Variants in NDUFAF6 observed in about 807,000 individuals in gnomAD.
NDUFAF6 encodes NADH:ubiquinone oxidoreductase complex assembly factor 6.
Under a neutral mutation model 40.8 loss-of-function variants are expected in NDUFAF6, and 45 were observed. The observed-to-expected ratio is 1.10, with a 90% CI of 0.87 to 1.42. The LOEUF is 1.42. NDUFAF6 is among the 40% of genes most tolerant of loss of function. NDUFAF6 has a pLI of 0.00. For synonymous variants in NDUFAF6, 185 were observed against 155.9 expected (o/e 1.19, Z -1.39); for missense variants, 435 against 418.5 (o/e 1.04, Z -0.34).
chr8:95,104,869 G>A (rs746281547), downstream of NDUFAF6, among the ~76,000 whole-genome samples: 3 of 152,150 alleles, frequency 2.0e-5, no homozygotes, highest in African/African-American at 2.4e-5. Context: ...GGAAAGATGA[G>A]CTGCGGCAGC....
At chr8:94,908,480 C>G (rs1411385398) in intron 1 of NDUFAF6, among the ~76,000 whole-genome samples, 1 of 152,184 alleles carries the variant, frequency 6.6e-6, no homozygotes, top group Non-Finnish European at 1.5e-5. Context: ...AGCAATCCTC[C>G]CATCTCAGCC....
intron 2 of NDUFAF6, among the ~76,000 whole-genome samples, chr8:95,086,299 AG>A (rs749150985): frequency 6.4e-4 from 98 of 152,352 alleles, no homozygotes; most frequent in Non-Finnish European, 1.2e-3. Context: ...AACAGAAAAC[AG>A]TGTTCCCCTC....
At position 95,025,020 on chromosome 8, in the gene NDUFAF6, C is replaced by T. The variant is rs1299127967; in HGVS notation, c.12C>T (p.Ser4=). The part of the protein sequence containing the change: MAA[S]AHGSVWGPLR... ...GCAGTGCCGGCGTCATGGCGGCCTC[C>T]GCGCACGGCTCTGTCTGGGGGCCGT... The change falls in exon 1 of 9, where the codon TCC becomes TCT. Residue 4 remains serine (S), a synonymous_variant. Coordinates refer to ENST00000396124, the MANE Select transcript of NDUFAF6 (RefSeq NM_152416.4). 9 of 1,345,288 alleles carry T rather than the reference C, an allele frequency of 6.7e-6. 1 individual carries two copies. The highest frequency in any genetic ancestry group is 2.7e-4 in the Middle Eastern group (1 of 3,762). 83.3% of individuals were successfully genotyped at this position (1,345,288 alleles called of 1,614,324 possible).
upstream of NDUFAF6, among the ~76,000 whole-genome samples, chr8:95,097,277 A>G (rs11778009): frequency 0.21 from 32,555 of 152,150 alleles, 4,226 homozygotes; most frequent in African/African-American, 0.37. Context: ...AATAACAAAA[A>G]AATAAACTAA....
rs1829390515 is a variant in NDUFAF6 at position 95,035,501 on chromosome 8, G to A, written c.345G>A (p.Gln115=). The change falls in exon 3 of 9, where the codon CAG becomes CAA. Residue 115 remains glutamine (Q), a synonymous_variant. Coordinates refer to ENST00000396124, the MANE Select transcript of NDUFAF6 (RefSeq NM_152416.4). ...SEKTIGLMRM[Q]FWKKTVEDIY... is the part of the protein sequence containing the mutation. ...AAACAATTGGACTGATGCGAATGCA[G>A]TTTTGGAAAAAAACTGTGGAAGATA... 1 of 1,612,372 alleles carries A rather than the reference G, an allele frequency of 6.2e-7. No homozygotes were observed.
chr8:95,087,262 G>A (rs1236177663), intron 2 of NDUFAF6, among the ~76,000 whole-genome samples: 2 of 152,080 alleles, frequency 1.3e-5, no homozygotes, highest in East Asian at 3.9e-4. Context: ...TTCCTGCAGT[G>A]GTTTTCCCTC....
At chr8:94,942,530 A>G (rs944914766) in intron 1 of NDUFAF6, among the ~76,000 whole-genome samples, 2 of 152,160 alleles carry the variant, frequency 1.3e-5, no homozygotes, top group African/African-American at 4.8e-5. Flanking sequence ...GTTAAAGGCA[A>G]TGGACTTAGC....
downstream of NDUFAF6, among the ~76,000 whole-genome samples, chr8:95,077,626 T>G (rs551397251): frequency 6.6e-6 from 1 of 152,268 alleles, no homozygotes; most frequent in East Asian, 1.9e-4. Context: ...CAGGTGACCA[T>G]GGGTAACTGA....
chr8:95,011,778 A>G (rs2131674068), intron 2 of NDUFAF6, among the ~76,000 whole-genome samples: 1 of 152,334 alleles, frequency 6.6e-6, no homozygotes, highest in South Asian at 2.1e-4. Context: ...TTGACATTTG[A>G]TAAGTGTTGA....
At chr8:95,049,943 G>T (rs1017270520) in intron 7 of NDUFAF6, among the ~76,000 whole-genome samples, 1 of 152,162 alleles carries the variant, frequency 6.6e-6, no homozygotes, top group Non-Finnish European at 1.5e-5. Context: ...TATTAAATAC[G>T]TAAGTAATCA....
chr8:94,995,182 C>A (rs1450729449), intron 2 of NDUFAF6, among the ~76,000 whole-genome samples: 1 of 152,120 alleles, frequency 6.6e-6, no homozygotes, highest in African/African-American at 2.4e-5. Flanking sequence ...CATGGATGAA[C>A]CTCAAGAACT....
intron 2 of NDUFAF6, chr8:95,102,959 CCTTTTTTT>C (rs969903573): frequency 6.6e-6 from 1 of 152,190 alleles, no homozygotes; most frequent in African/African-American, 2.4e-5. Context: ...ACTTTGCTTT[CCTTTTTTT>C]CTCTACAGGC....
At chr8:95,078,662 A>AAAAAAATATATATATATATATATATAT (rs545018367), downstream of NDUFAF6, 11 of 121,036 alleles carry the variant, frequency 9.1e-5, no homozygotes, top group African/African-American at 3.6e-4. Context: ...AAAAAAAAAA[A>AAAAAAATATATATATATATATATATAT]ATATATATAT....
At chr8:94,958,655 C>A (rs369392518) in intron 1 of NDUFAF6, among the ~76,000 whole-genome samples, 2 of 147,760 alleles carry the variant, frequency 1.4e-5, no homozygotes, top group East Asian at 4.0e-4. Context: ...CTGCCTCAGT[C>A]TCCTGAGTAC....
At chr8:94,953,592 C>T (rs1056470904), upstream of NDUFAF6, among the ~76,000 whole-genome samples, 22 of 152,252 alleles carry the variant, frequency 1.4e-4, no homozygotes, top group African/African-American at 5.3e-4. Context: ...GACTTCTTCA[C>T]TCACACTGAT....
intron 1 of NDUFAF6, among the ~76,000 whole-genome samples, chr8:94,908,815 T>C (rs981133598): frequency 6.6e-6 from 1 of 152,230 alleles, no homozygotes; most frequent in African/African-American, 2.4e-5. Flanking sequence ...AGGGCTTCTC[T>C]AAGATTATTT....
chr8:95,098,820 G>A (rs1222352490), upstream of NDUFAF6, among the ~76,000 whole-genome samples: 2 of 152,040 alleles, frequency 1.3e-5, no homozygotes, highest in Non-Finnish European at 2.9e-5. Flanking sequence ...TACCCGGCAG[G>A]CTGAGGCAGG....
At chr8:95,082,618 T>A (rs1242217185) in intron 2 of NDUFAF6, among the ~76,000 whole-genome samples, 1 of 151,560 alleles carries the variant, frequency 6.6e-6, no homozygotes, top group Non-Finnish European at 1.5e-5. Flanking sequence ...GTTCATGTGT[T>A]CCTTAGCATT....
intron 1 of NDUFAF6, among the ~76,000 whole-genome samples, chr8:95,029,975 A>G (rs532721504): frequency 6.6e-5 from 10 of 152,286 alleles, no homozygotes; most frequent in Non-Finnish European, 1.2e-4. Context: ...CTTCAGTACT[A>G]TGTAAGTATT....
Sources: allele counts gnomAD v4.1 joint callset (sites outside exome capture counted in the v4.1 genomes callset), GRCh38; gene constraint gnomAD v4.1.1; transcripts MANE v1.5; gene names NCBI Gene and HGNC (gene_info 2026-07-23, HGNC 2026-07-21).